Variants in SLC14A2 observed in about 807,000 individuals in gnomAD.
SLC14A2 encodes urea transporter 2.
Under a neutral mutation model 104.6 loss-of-function variants are expected in SLC14A2, and 91 were observed. That is an observed-to-expected ratio of 0.87 (90% CI 0.73 to 1.04). The LOEUF (loss-of-function observed/expected upper bound fraction) is 1.04. Among genes scored for constraint, SLC14A2 ranks in the 50% least tolerant of loss-of-function variants. The pLI is 0.00. For missense variants in SLC14A2, 1,189 were observed against 1,156.0 expected, an observed-to-expected ratio of 1.03 and a Z score of -0.41; for synonymous variants, 476 against 466.4, an observed-to-expected ratio of 1.02 and a Z score of -0.27.
intron 1 of SLC14A2, among the ~76,000 whole-genome samples, chr18:45,234,558 G>A (rs1028015198): frequency 6.6e-6 from 1 of 152,220 alleles, no homozygotes; most frequent in Non-Finnish European, 1.5e-5. Flanking sequence ...CTAAAGACCA[G>A]CAATTATTTA....
At chr18:45,615,840 A>AGT (rs1568299594) in intron 1 of SLC14A2, among the ~76,000 whole-genome samples, 2 of 120,574 alleles carry the variant, frequency 1.7e-5, no homozygotes, top group African/African-American at 5.5e-5. Flanking sequence ...TGTGTGTGAG[A>AGT]GAGAGAGAGA....
At chr18:45,562,197 C>T (rs2144312995) in intron 2 of SLC14A2, among the ~76,000 whole-genome samples, 1 of 152,316 alleles carries the variant, frequency 6.6e-6, no homozygotes, top group African/African-American at 2.4e-5. Flanking sequence ...GAGTTCCTCC[C>T]TTTAAGGAGC....
At chr18:45,572,947 CATT>C (rs1484240636) in intron 2 of SLC14A2, among the ~76,000 whole-genome samples, 1 of 152,158 alleles carries the variant, frequency 6.6e-6, no homozygotes, top group Non-Finnish European at 1.5e-5. Flanking sequence ...TATGAAGCAT[CATT>C]GTTATTGTCA....
chr18:45,393,260 G>A (rs1427108337), intron 1 of SLC14A2, among the ~76,000 whole-genome samples: 1 of 152,220 alleles, frequency 6.6e-6, no homozygotes. Context: ...GTTGGGAGCT[G>A]AGTGTGAATA....
chr18:45,313,100 G>A (rs1366522554), intron 1 of SLC14A2, among the ~76,000 whole-genome samples: 1 of 152,180 alleles, frequency 6.6e-6, no homozygotes, highest in Non-Finnish European at 1.5e-5. Flanking sequence ...TGATGTCCTT[G>A]GTCCCCTATG....
intron 10 of SLC14A2, among the ~76,000 whole-genome samples, chr18:45,662,978 T>TC (rs2045957719): frequency 6.6e-6 from 1 of 152,166 alleles, no homozygotes; most frequent in Non-Finnish European, 1.5e-5. Context: ...AGAGACCCTA[T>TC]CCCAAGTGAT....
At chr18:45,250,751 C>CTGACTT (rs1165070845) in intron 1 of SLC14A2, among the ~76,000 whole-genome samples, 151 of 113,806 alleles carry the variant, frequency 1.3e-3, no homozygotes, top group Non-Finnish European at 1.8e-3. Flanking sequence ...CTAGTGGCTT[C>CTGACTT]TTCCTTTTTT....
At chr18:45,335,175 TTTTC>T (rs1457450628) in intron 1 of SLC14A2, among the ~76,000 whole-genome samples, 1 of 152,144 alleles carries the variant, frequency 6.6e-6, no homozygotes, top group Admixed American at 6.5e-5. Flanking sequence ...TTCCTACTCC[TTTTC>T]CTCCCCTGCC....
intron 2 of SLC14A2, among the ~76,000 whole-genome samples, chr18:45,526,695 CTT>C (rs2043597750): frequency 6.6e-6 from 1 of 151,900 alleles, no homozygotes; most frequent in South Asian, 2.1e-4. Context: ...AGAATTCTGA[CTT>C]AGCTGGAACA....
intron 1 of SLC14A2, among the ~76,000 whole-genome samples, chr18:45,268,051 G>A (rs540019389): frequency 2.0e-5 from 3 of 152,176 alleles, no homozygotes; most frequent in Admixed American, 2.0e-4. Flanking sequence ...ACCGTAAAAT[G>A]TTGTGCATTC....
At chr18:45,222,418 AT>A (rs1384208787) in intron 1 of SLC14A2, among the ~76,000 whole-genome samples, 1 of 152,204 alleles carries the variant, frequency 6.6e-6, no homozygotes, top group African/African-American at 2.4e-5. Context: ...ACAATGGAGT[AT>A]TAGTGCCAGG....
intron 1 of SLC14A2, among the ~76,000 whole-genome samples, chr18:45,620,910 C>T (rs2045155978): frequency 6.6e-6 from 1 of 152,180 alleles, no homozygotes; most frequent in African/African-American, 2.4e-5. Flanking sequence ...CTGATAACAT[C>T]TTAGATTCCA....
intron 1 of SLC14A2, among the ~76,000 whole-genome samples, chr18:45,268,421 T>C (rs568638181): frequency 6.6e-6 from 1 of 152,320 alleles, no homozygotes; most frequent in South Asian, 2.1e-4. Context: ...CAGTCTCTAA[T>C]ACAGGATAAA....
intron 1 of SLC14A2, among the ~76,000 whole-genome samples, chr18:45,260,972 G>A (rs1441291097): frequency 6.6e-6 from 1 of 151,854 alleles, no homozygotes; most frequent in African/African-American, 2.4e-5. Context: ...ACCTGCACGT[G>A]TACCCTCTGA....
At chr18:45,644,320 T>C (rs2045583561) in intron 10 of SLC14A2, 160 bp downstream of exon 10, 1 of 591,644 alleles carries the variant, frequency 1.7e-6, no homozygotes, top group Non-Finnish European at 2.9e-6. Context: ...TCCCTGAAGC[T>C]GATTTTCATT....
At chr18:45,265,327 G>A (rs1212319072) in intron 1 of SLC14A2, among the ~76,000 whole-genome samples, 1 of 152,172 alleles carries the variant, frequency 6.6e-6, no homozygotes, top group Non-Finnish European at 1.5e-5. Context: ...GCAAATTTCG[G>A]TAAGAAAGAA....
intron 2 of SLC14A2, among the ~76,000 whole-genome samples, chr18:45,516,352 C>T (rs1281717808): frequency 6.6e-6 from 1 of 152,080 alleles, no homozygotes; most frequent in Admixed American, 6.6e-5. Context: ...GACCTTGGTC[C>T]CCCTCCCAAA....
chr18:45,263,401 T>G (rs1409845714), intron 1 of SLC14A2, among the ~76,000 whole-genome samples: 1 of 152,212 alleles, frequency 6.6e-6, no homozygotes, highest in African/African-American at 2.4e-5. Context: ...GTTAAATTGG[T>G]GTTTGCCGAG....
At chr18:45,382,092 G>T (rs897620986) in intron 1 of SLC14A2, among the ~76,000 whole-genome samples, 5 of 152,150 alleles carry the variant, frequency 3.3e-5, no homozygotes, top group African/African-American at 1.2e-4. Flanking sequence ...TGTTCTACAG[G>T]ATAGGCCAGG....
Sources: allele counts gnomAD v4.1 joint callset (sites outside exome capture counted in the v4.1 genomes callset), GRCh38; gene constraint gnomAD v4.1.1; transcripts MANE v1.5; gene names NCBI Gene and HGNC (gene_info 2026-07-23, HGNC 2026-07-21).